The following WDR27 variants were observed in gnomAD, a reference collection of about 807,000 sequenced individuals.
WDR27 encodes WD repeat-containing protein 27.
In WDR27, 100 loss-of-function variants were observed where a neutral mutation model predicts 114.4. The observed-to-expected ratio is 0.87, with a 90% CI of 0.74 to 1.03. The LOEUF (loss-of-function observed/expected upper bound fraction) is 1.03, where lower values mean the gene tolerates loss of function less well. WDR27 is among the 50% of genes least tolerant of loss of function. The pLI is 0.00. For missense variants in WDR27, 1,129 were observed against 1,092.9 expected (o/e 1.03, Z -0.47); for synonymous variants, 449 against 423.1 (o/e 1.06, Z -0.75).
At chr6:169,661,752 T>C (rs1237973179) in intron 9 of WDR27, among the ~76,000 whole-genome samples, 1 of 152,174 alleles carries the variant, frequency 6.6e-6, no homozygotes, top group East Asian at 1.9e-4. Context: ...GGGGCAGCTC[T>C]GCACAGAGAC....
At chr6:169,653,049 T>A (rs965225203) in intron 13 of WDR27, among the ~76,000 whole-genome samples, 1 of 152,224 alleles carries the variant, frequency 6.6e-6, no homozygotes, top group Non-Finnish European at 1.5e-5. Context: ...AGATCTCACT[T>A]CCCAAATGCG....
intron 21 of WDR27, among the ~76,000 whole-genome samples, chr6:169,621,383 T>C (rs1813150432): frequency 6.7e-6 from 1 of 149,256 alleles, no homozygotes; most frequent in African/African-American, 2.5e-5. Flanking sequence ...CATGTAGACA[T>C]ACGCACACAC....
intron 25 of WDR27, among the ~76,000 whole-genome samples, chr6:169,510,175 TG>T (rs1792622923): frequency 1.3e-5 from 2 of 152,204 alleles, no homozygotes; most frequent in Non-Finnish European, 2.9e-5. Context: ...ACTTTTACAC[TG>T]TTGGTGGGAC....
chr6:169,510,787 T>TA (rs1207457574), intron 25 of WDR27, among the ~76,000 whole-genome samples: 4 of 151,538 alleles, frequency 2.6e-5, no homozygotes, highest in Admixed American at 1.3e-4. Context: ...ATAATAATAA[T>TA]AAAAAAAGAC....
chr6:169,525,274 C>T (rs934104486), intron 25 of WDR27, among the ~76,000 whole-genome samples: 29 of 152,152 alleles, frequency 1.9e-4, no homozygotes, highest in Admixed American at 6.5e-4. Flanking sequence ...TGGTGGTTTA[C>T]GCCTGTAATC....
Position 169,662,393 on chromosome 6 carries a change from C to T in WDR27, c.936G>A (p.Leu312=). 2 of 1,614,036 alleles carry T rather than the reference C, an allele frequency of 1.2e-6. No homozygotes were observed. Among genetic ancestry groups the T allele is most frequent in the Non-Finnish European group, 1.7e-6 (2 of 1,179,878 alleles). The change falls in exon 9 of 26, where the codon CTG becomes CTA. Residue 312 remains leucine (L), a synonymous_variant. Transcript: ENST00000448612. ...TTACTTCAACCTGCTCTCCTTTTCC[C>T]AGAGCACTTGTAGAGGGAAGCTGGC... ...EESQLPSTSA[L]GKGEQVEVTF...
Position 169,688,807 on chromosome 6 carries a change from C to T in WDR27, c.189+10G>A, listed in dbSNP as rs1190555142. Reference sequence around the variant, plus strand: ...CCTTCATGACACTGGACATGTAACTCGTTCAATACCTGATGAGAAGGATCC... The same window carrying T: ...CCTTCATGACACTGGACATGTAACTTGTTCAATACCTGATGAGAAGGATCC... On this transcript the variant is annotated intron_variant, in intron 2 of 25. Transcript: ENST00000448612. 3.2e-6 allele frequency: 5 copies of T among 1,584,194 alleles called. No homozygotes were observed. Among genetic ancestry groups the T allele is most frequent in the Admixed American group, 1.8e-5 (1 of 55,572 alleles).
chr6:169,455,686 G>A (rs2115237185), downstream of WDR27, among the ~76,000 whole-genome samples: 1 of 152,310 alleles, frequency 6.6e-6, no homozygotes, highest in Admixed American at 6.5e-5. Flanking sequence ...CCACACCAGA[G>A]CCCTGCCCTC....
chr6:169,588,143 G>A (rs1036140689), intron 23 of WDR27, among the ~76,000 whole-genome samples: 7 of 152,210 alleles, frequency 4.6e-5, no homozygotes, highest in African/African-American at 1.7e-4. Flanking sequence ...GCATCACACA[G>A]CATTTTAAGG....
At chr6:169,636,279 CA>C in intron 19 of WDR27, 91 bp downstream of exon 19, 2 of 1,459,574 alleles carry the variant, frequency 1.4e-6, no homozygotes, top group Non-Finnish European at 1.9e-6. Context: ...AAATTTGGGG[CA>C]ACATTTTAAA....
rs947327980 is a variant in WDR27 at position 169,649,628 on chromosome 6, C to T, written c.1482-353G>A. 7.2e-5 allele frequency among the ~76,000 whole-genome samples: 11 copies of T among 152,026 alleles called. 2 individuals are homozygous for T. The South Asian group carries it at 2.3e-3, about 31-fold the overall frequency. The stretch of plus-strand genomic sequence containing the variant: ...CCCGGGGCTCCCACACAAAGCCTGA[C>T]ACTGATGACATGCCTTAATATGGCA... On this transcript the variant is annotated intron_variant, in intron 14 of 25. Transcript: ENST00000448612.
chr6:169,616,378 C>T (rs1373187158), intron 21 of WDR27, among the ~76,000 whole-genome samples: 1 of 152,134 alleles, frequency 6.6e-6, no homozygotes, highest in Non-Finnish European at 1.5e-5. Flanking sequence ...GTCCCAGCTA[C>T]TCAGGAGGCT....
At chr6:169,626,349 A>G (rs958906290) in intron 21 of WDR27, among the ~76,000 whole-genome samples, 13 of 152,130 alleles carry the variant, frequency 8.5e-5, no homozygotes, top group Admixed American at 2.0e-4. Flanking sequence ...GTGGCTGCAG[A>G]GGCACCAGCC....
At chr6:169,427,991 C>G in the WDR27 span, among the ~76,000 whole-genome samples, 1 of 152,024 alleles carries the variant, frequency 6.6e-6, no homozygotes, top group Non-Finnish European at 1.5e-5. Flanking sequence ...CAGAGGGGTC[C>G]CGGAGAAAGC....
At chr6:169,560,395 T>C (rs1390599089) in intron 25 of WDR27, among the ~76,000 whole-genome samples, 5 of 152,230 alleles carry the variant, frequency 3.3e-5, no homozygotes, top group Non-Finnish European at 7.3e-5. Context: ...CAGCATAAAA[T>C]GGACCAATAC....
In WDR27 at chr6:169,638,642, T is replaced by C; in HGVS notation, c.1766A>G (p.Asn589Ser). 6.2e-7 allele frequency: 1 copy of C among 1,605,412 alleles called. No individual in the cohort carries two copies. ...AVFSGHDGAVNAVCWSQDRRW... is the reference protein window; with the variant it reads ...AVFSGHDGAVSAVCWSQDRRW... ...CCGGTCCTGGCTCCAGCACACGGCA[T>C]TCACTGCCCCGTCGTGACCTAACAG... The change falls in exon 18 of 26, where the codon AAT becomes AGT. Residue 589 changes from asparagine to serine, a missense_variant. Physicochemically the swap from Asn to Ser is conservative, Grantham distance 46. Coordinates refer to ENST00000448612, the MANE Select transcript of WDR27 (RefSeq NM_182552.5).
At position 169,499,762 on chromosome 6, in the gene WDR27, G is replaced by A. The variant is rs560191429; in HGVS notation, c.2646-42128C>T. On this transcript the variant is annotated intron_variant, in intron 25 of 25. Transcript: ENST00000448612. ...GCTGATGCTGGGACCCTGCCAAGTG[G>A]GCCACCTGAGCTCCTCTTCTAGATT... Among the ~76,000 whole-genome samples the A allele has an allele frequency of 3.3e-5, 5 of 152,314 alleles. No individual in the cohort carries two copies. The East Asian group carries it at 9.6e-4, about 29-fold the overall frequency.
At chr6:169,683,487 AG>A (rs1053774396) in intron 2 of WDR27, among the ~76,000 whole-genome samples, 3 of 152,116 alleles carry the variant, frequency 2.0e-5, no homozygotes, top group Non-Finnish European at 4.4e-5. Flanking sequence ...GATATCAGCA[AG>A]ACGGCTGACT....
chr6:169,563,909 G>A (rs1002043411), intron 25 of WDR27, among the ~76,000 whole-genome samples: 1 of 152,232 alleles, frequency 6.6e-6, no homozygotes, highest in Non-Finnish European at 1.5e-5. Context: ...GACAGTGGCT[G>A]TATCAGTCAG....
Sources: gnomAD v4.1 joint callset for allele counts (sites outside exome capture counted in the v4.1 genomes callset) on GRCh38, gnomAD v4.1.1 for gene constraint, MANE v1.5 for transcripts, NCBI Gene and HGNC (gene_info 2026-07-23, HGNC 2026-07-21) for gene names.